Variants in VSNL1 observed in about 807,000 individuals in gnomAD.
The protein encoded by VSNL1 is visinin like 1, also known as visinin-like protein 1.
In VSNL1, 6 loss-of-function variants were observed where a neutral mutation model predicts 20.4. The observed-to-expected ratio is 0.29, with a 90% CI of 0.16 to 0.58. The LOEUF is 0.58. Ranked by LOEUF, VSNL1 falls within the 20% of genes least tolerant of loss-of-function variation. The probability of loss-of-function intolerance (pLI) is 0.90; values close to 1 mark genes in which losing one functional copy is unlikely to be tolerated. For synonymous variants in VSNL1, 93 were observed against 86.4 expected, an observed-to-expected ratio of 1.08 and a Z score of -0.42; for missense variants, 100 against 234.5, an observed-to-expected ratio of 0.43 and a Z score of 3.75.
chr2:17,570,108 T>C (rs2103355373), intron 1 of VSNL1, among the ~76,000 whole-genome samples: 1 of 152,364 alleles, frequency 6.6e-6, no homozygotes, highest in Non-Finnish European at 1.5e-5. Context: ...GTAGTTTTCT[T>C]CATGAAATAC....
At chr2:17,579,180 A>G (rs1012038503) in intron 1 of VSNL1, among the ~76,000 whole-genome samples, 1 of 151,546 alleles carries the variant, frequency 6.6e-6, no homozygotes, top group African/African-American at 2.4e-5. Flanking sequence ...CAGTGGTGCA[A>G]TCTTGGCTCA....
chr2:17,651,857 T>C (rs1349758790), intron 3 of VSNL1, among the ~76,000 whole-genome samples: 8 of 152,270 alleles, frequency 5.3e-5, no homozygotes, highest in Admixed American at 2.6e-4. Context: ...CTGGACATTA[T>C]GAATGTTGCA....
intron 2 of VSNL1, among the ~76,000 whole-genome samples, chr2:17,609,850 C>T (rs1212742556): frequency 6.6e-6 from 1 of 152,186 alleles, no homozygotes; most frequent in African/African-American, 2.4e-5. Flanking sequence ...AACTGTTATC[C>T]ATAAGTTGAT....
chr2:17,559,418 AAC>A (rs1421935848), intron 1 of VSNL1, among the ~76,000 whole-genome samples: 124 of 150,868 alleles, frequency 8.2e-4, no homozygotes, highest in African/African-American at 2.3e-3. Flanking sequence ...CAAAAAAAAA[AAC>A]AACAACAGCT....
intron 3 of VSNL1, among the ~76,000 whole-genome samples, chr2:17,654,762 C>T (rs1344627227): frequency 1.3e-5 from 2 of 152,132 alleles, no homozygotes; most frequent in East Asian, 1.9e-4. Context: ...CGGTGATCTG[C>T]TTCTCATTTC....
chr2:17,566,458 G>C (rs1183530616), intron 1 of VSNL1, among the ~76,000 whole-genome samples: 1 of 151,800 alleles, frequency 6.6e-6, no homozygotes, highest in Non-Finnish European at 1.5e-5. Context: ...TATATAAAAT[G>C]GTCCTTCATA....
intron 2 of VSNL1, among the ~76,000 whole-genome samples, chr2:17,617,835 C>T (rs1266403342): frequency 2.0e-5 from 3 of 152,106 alleles, no homozygotes; most frequent in Non-Finnish European, 2.9e-5. Context: ...TCATGTGGCA[C>T]TTTTCCAATT....
intron 2 of VSNL1, among the ~76,000 whole-genome samples, chr2:17,606,731 C>T (rs1360109806): frequency 6.6e-6 from 1 of 152,086 alleles, no homozygotes; most frequent in Non-Finnish European, 1.5e-5. Flanking sequence ...CCAGATGGTC[C>T]CTATCCCTTC....
chr2:17,545,945 G>C (rs190473708), intron 1 of VSNL1: 1 of 151,888 alleles, frequency 6.6e-6, no homozygotes, highest in Admixed American at 6.6e-5. Flanking sequence ...TAACACAGAC[G>C]ACCTGCTGTG....
chr2:17,624,291 C>A (rs1405745543), intron 2 of VSNL1, among the ~76,000 whole-genome samples: 1 of 152,214 alleles, frequency 6.6e-6, no homozygotes, highest in East Asian at 1.9e-4. Context: ...GCTGGGAAAC[C>A]ATGGATTCGT....
At chr2:17,610,212 A>C (rs1021419477) in intron 2 of VSNL1, among the ~76,000 whole-genome samples, 1 of 152,182 alleles carries the variant, frequency 6.6e-6, no homozygotes, top group African/African-American at 2.4e-5. Context: ...TCATCCATCC[A>C]TGTATTTGTT....
chr2:17,544,727 A>G (rs1663369562), intron 1 of VSNL1, among the ~76,000 whole-genome samples: 1 of 152,196 alleles, frequency 6.6e-6, no homozygotes, highest in South Asian at 2.1e-4. Flanking sequence ...TGCTCCTAAA[A>G]TTAGTGATTA....
chr2:17,553,426 A>G (rs1033159889), intron 1 of VSNL1, among the ~76,000 whole-genome samples: 2 of 152,228 alleles, frequency 1.3e-5, no homozygotes, highest in Non-Finnish European at 2.9e-5. Flanking sequence ...AATATGGCAT[A>G]CATTGTATTA....
intron 2 of VSNL1, among the ~76,000 whole-genome samples, chr2:17,630,624 TA>T (rs1200404199): frequency 6.6e-6 from 1 of 152,232 alleles, no homozygotes; most frequent in Non-Finnish European, 1.5e-5. Context: ...GAGAAGATGA[TA>T]ACTTCCACAT....
chr2:17,548,828 T>C (rs1663459327), intron 1 of VSNL1, among the ~76,000 whole-genome samples: 1 of 152,202 alleles, frequency 6.6e-6, no homozygotes, highest in African/African-American at 2.4e-5. Flanking sequence ...AAGCGTGTGC[T>C]AACTGAATCA....
intron 2 of VSNL1, among the ~76,000 whole-genome samples, chr2:17,597,063 T>C (rs1439411316): frequency 6.6e-6 from 1 of 152,192 alleles, no homozygotes; most frequent in Non-Finnish European, 1.5e-5. Flanking sequence ...TGAGAGACTC[T>C]ATGAAATTTC....
At chr2:17,554,090 A>G (rs1456228652) in intron 1 of VSNL1, among the ~76,000 whole-genome samples, 2 of 152,220 alleles carry the variant, frequency 1.3e-5, no homozygotes, top group African/African-American at 4.8e-5. Context: ...ATAAGGGCTC[A>G]TAATGCAATG....
Position 17,649,705 on chromosome 2 carries a change from GCTT to G in VSNL1, c.378+86_378+88del, listed in dbSNP as rs961511913. 9.6e-6 allele frequency: 13 copies of G among 1,355,088 alleles called. No homozygotes were observed. The highest frequency in any genetic ancestry group is 6.9e-5 in the East Asian group (3 of 43,234). The allele number at this position is 1,355,088 out of a possible 1,614,324, so 83.9% of individuals were successfully genotyped here. On this transcript the variant is annotated intron_variant, in intron 3 of 3. Transcript: ENST00000295156. This position sits in a 1 kb window ranked among gnomAD's most constrained non-coding sequence, Gnocchi z 6.4. ...AGCCTCCTAGGTGCAGGCCTTAGTG[GCTT>G]CTTCTCTCTCTGCTCGAGCCCTGCC...
At chr2:17,608,951 T>C (rs1470997034) in intron 2 of VSNL1, among the ~76,000 whole-genome samples, 2 of 152,138 alleles carry the variant, frequency 1.3e-5, no homozygotes, top group East Asian at 1.9e-4. Context: ...ACCTGCTGAC[T>C]GTGTGTGTGT....
Sources: allele counts gnomAD v4.1 joint callset (sites outside exome capture counted in the v4.1 genomes callset), GRCh38; gene constraint gnomAD v4.1.1; non-coding constraint Gnocchi (gnomAD v3.1); transcripts MANE v1.5; gene names NCBI Gene and HGNC (gene_info 2026-07-23, HGNC 2026-07-21).